RASGRF2: variants seen among roughly 807,000 people sequenced by gnomAD.
RASGRF2 encodes the protein Ras protein specific guanine nucleotide releasing factor 2.
Under a neutral mutation model 151.0 loss-of-function variants are expected in RASGRF2, and 76 were observed. The ratio of observed to expected loss-of-function variants is 0.50; its 90% CI spans 0.42 to 0.61. RASGRF2 has a LOEUF of 0.61. Ranked by LOEUF, RASGRF2 falls within the 20% of genes least tolerant of loss-of-function variation. The pLI is 0.00. For missense variants in RASGRF2, 1,148 were observed against 1,564.6 expected (o/e 0.73, Z 4.49); for synonymous variants, 504 against 566.5 (o/e 0.89, Z 1.57).
chr5:81,124,414 A>G (rs768894927), intron 16 of RASGRF2, among the ~76,000 whole-genome samples: 18 of 152,212 alleles, frequency 1.2e-4, no homozygotes, highest in Non-Finnish European at 1.6e-4. Flanking sequence ...TAGCTGAAGA[A>G]TCTCAGTGCT....
chr5:81,191,896 G>GT (rs11392034), intron 18 of RASGRF2, among the ~76,000 whole-genome samples: 14,716 of 152,120 alleles, frequency 0.097, 701 homozygotes, highest in Middle Eastern at 0.13. Flanking sequence ...TTCTGGATGG[G>GT]TTTTTTCCTT....
intron 5 of RASGRF2, among the ~76,000 whole-genome samples, chr5:81,076,286 G>A (rs1039743915): frequency 2.6e-5 from 4 of 152,136 alleles, no homozygotes; most frequent in Admixed American, 6.5e-5. Context: ...AATGAAGAGG[G>A]TAAAAGAAGG....
chr5:81,044,801 T>C (rs1750785894), intron 2 of RASGRF2, among the ~76,000 whole-genome samples: 2 of 152,230 alleles, frequency 1.3e-5, no homozygotes, highest in African/African-American at 4.8e-5. Flanking sequence ...ATTGTACTTA[T>C]CTTCGTTATC....
At chr5:81,010,981 C>A (rs1325857810) in intron 1 of RASGRF2, among the ~76,000 whole-genome samples, 2 of 152,192 alleles carry the variant, frequency 1.3e-5, no homozygotes, top group Non-Finnish European at 2.9e-5. Flanking sequence ...TGTTTTAAAG[C>A]AGGAAAATGT....
At position 80,972,872 on chromosome 5, in the gene RASGRF2, A is replaced by G. The variant is rs117432906; in HGVS notation, c.288+11846A>G. 2.1e-3 allele frequency among the ~76,000 whole-genome samples: 323 copies of G among 152,314 alleles called. 13 individuals are homozygous for G. In the East Asian group the frequency reaches 0.056, roughly 26 times the overall value. On this transcript the variant is annotated intron_variant, in intron 1 of 26. Transcript: ENST00000265080. ...GGACTTAGAAATATTAAGTTAAACT[A>G]TATGACCTACCATTTCTGTACATCA...
At chr5:81,073,144 T>C in intron 4 of RASGRF2, 55 bp from the exon 5 acceptor site, 2 of 1,536,136 alleles carry the variant, frequency 1.3e-6, no homozygotes, top group South Asian at 2.5e-5. Flanking sequence ...TTCTTTTCCA[T>C]AAATAAATCA....
In RASGRF2 at chr5:81,068,103, C is replaced by G. The variant is rs1456255731; in HGVS notation, c.467C>G (p.Thr156Arg). The change falls in exon 3 of 27, where the codon ACA (threonine) becomes AGA (arginine). Residue 156 changes from threonine (T) to arginine (R), a missense_variant. Coordinates refer to ENST00000265080, the MANE Select transcript of RASGRF2 (RefSeq NM_006909.3). ...KYIHLVQIVE[T>R]EKIAANQLRH... is the part of the protein sequence containing the mutation. Reference sequence around the variant, plus strand: ...ATTCATCTAGTTCAGATCGTAGAGACAGAAAAAATTGCAGCTAACCAACTC... The same window carrying G: ...ATTCATCTAGTTCAGATCGTAGAGAGAGAAAAAATTGCAGCTAACCAACTC... 1.2e-6 allele frequency: 2 copies of G among 1,613,698 alleles called. No homozygotes were observed. Among genetic ancestry groups the G allele is most frequent in the Non-Finnish European group, 1.7e-6 (2 of 1,179,854 alleles).
chr5:81,131,067 G>A (rs1753604111), intron 17 of RASGRF2, among the ~76,000 whole-genome samples: 1 of 152,102 alleles, frequency 6.6e-6, no homozygotes, highest in Non-Finnish European at 1.5e-5. Flanking sequence ...TAATTATTAT[G>A]CTCTCAAACA....
intron 18 of RASGRF2, among the ~76,000 whole-genome samples, chr5:81,185,790 G>A (rs1296322259): frequency 6.6e-6 from 1 of 152,206 alleles, no homozygotes; most frequent in Non-Finnish European, 1.5e-5. Flanking sequence ...AGCAGCCCAC[G>A]CCAGGGCTAG....
chr5:81,219,660 C>A (rs1178506954), intron 25 of RASGRF2, 50 bp from the exon 26 acceptor site: 2 of 1,478,884 alleles, frequency 1.4e-6, no homozygotes, highest in Non-Finnish European at 1.9e-6. Context: ...CAGGAAATAC[C>A]TTTCTTTGCT....
chr5:80,998,897 C>T (rs1410575485), intron 1 of RASGRF2, among the ~76,000 whole-genome samples: 1 of 152,138 alleles, frequency 6.6e-6, no homozygotes. Context: ...CTGAAAATCA[C>T]TTCCCCTCTC....
At chr5:80,992,575 G>T (rs937698821) in intron 1 of RASGRF2, among the ~76,000 whole-genome samples, 3 of 152,206 alleles carry the variant, frequency 2.0e-5, no homozygotes, top group Non-Finnish European at 2.9e-5. Context: ...TTGGTTCCAG[G>T]ATAAGCCTCA....
At chr5:81,013,658 T>C (rs2112320562) in intron 1 of RASGRF2, among the ~76,000 whole-genome samples, 1 of 151,954 alleles carries the variant, frequency 6.6e-6, no homozygotes, top group Non-Finnish European at 1.5e-5. Context: ...TATATGTTAT[T>C]CTAAATATAT....
intron 18 of RASGRF2, among the ~76,000 whole-genome samples, chr5:81,193,729 C>A (rs1005428116): frequency 2.6e-5 from 4 of 152,124 alleles, no homozygotes; most frequent in Non-Finnish European, 4.4e-5. Context: ...GTTGGTCAGG[C>A]TGGTCTTGAA....
chr5:81,143,138 CATTTTTT>C lies in RASGRF2; in HGVS notation c.2686+15989_2686+15995del, dbSNP rs147294182. Among the ~76,000 whole-genome samples the C allele has an allele frequency of 3.7e-3, 559 of 152,162 alleles. 2 individuals are homozygous for C. The highest frequency in any genetic ancestry group is 0.012 in the African/African-American group (518 of 41,536). The stretch of plus-strand genomic sequence containing the variant: ...CTTCTGATTCTTTGAAGAAAATACA[CATTTTTT>C]ATTTTTTATTTTTATTTTTTTGAGA... On this transcript the variant is annotated intron_variant, in intron 17 of 26. Transcript: ENST00000265080.
Position 81,092,977 on chromosome 5 carries a change from A to G in RASGRF2, c.1551+16A>G, listed in dbSNP as rs757450146. 5.0e-6 allele frequency: 8 copies of G among 1,590,580 alleles called. No individual in the cohort carries two copies. In the South Asian group the frequency reaches 6.8e-5, roughly 14 times the overall value. On this transcript the variant is annotated intron_variant, in intron 10 of 26. Transcript: ENST00000265080. ...TCTGCTCAAGGTACTGGTTTTCCAT[A>G]ACTGTTCCATTTATCTTCCAAGCAC...
intron 1 of RASGRF2, among the ~76,000 whole-genome samples, chr5:81,035,227 G>A (rs1320754816): frequency 6.6e-6 from 1 of 152,102 alleles, no homozygotes; most frequent in Non-Finnish European, 1.5e-5. Context: ...GTCCATCAAT[G>A]ATAGACTGGA....
chr5:80,995,476 G>A (rs566560273), intron 1 of RASGRF2, among the ~76,000 whole-genome samples: 8 of 151,140 alleles, frequency 5.3e-5, no homozygotes, highest in Admixed American at 2.6e-4. Context: ...GCTTTTATAC[G>A]TGGTAACAAT....
At chr5:80,999,515 TTTTA>T (rs1436372490) in intron 1 of RASGRF2, among the ~76,000 whole-genome samples, 1 of 151,782 alleles carries the variant, frequency 6.6e-6, no homozygotes, top group Non-Finnish European at 1.5e-5. Context: ...GAATATTTAT[TTTTA>T]TTTATTTATT....
Sources: allele counts gnomAD v4.1 joint callset (sites outside exome capture counted in the v4.1 genomes callset), GRCh38; gene constraint gnomAD v4.1.1; transcripts MANE v1.5; gene names NCBI Gene and HGNC (gene_info 2026-07-23, HGNC 2026-07-21).